Variants in CHAF1A observed in about 807,000 individuals in gnomAD.
CHAF1A encodes chromatin assembly factor 1 subunit A.
In CHAF1A, 5 loss-of-function variants were observed where a neutral mutation model predicts 93.2. The observed-to-expected ratio is 0.05, with a 90% CI of 0.03 to 0.11. The LOEUF (loss-of-function observed/expected upper bound fraction) is 0.11, where lower values mean the gene tolerates loss of function less well. Ranked by LOEUF, CHAF1A falls within the 10% of genes least tolerant of loss-of-function variation. The pLI is 1.00. For synonymous variants in CHAF1A, 504 were observed against 510.3 expected (o/e 0.99, Z 0.17); for missense variants, 1,102 against 1,259.9 (o/e 0.87, Z 1.90).
intron 9 of CHAF1A, 40 bp downstream of exon 9, chr19:4,429,646 C>T: frequency 1.2e-6 from 2 of 1,614,022 alleles, no homozygotes; most frequent in South Asian, 2.2e-5. Context: ...CGTACCTCCT[C>T]ACTGTGCCCC....
At chr19:4,408,074 A>G (rs1246767718) in intron 2 of CHAF1A, among the ~76,000 whole-genome samples, 1 of 150,492 alleles carries the variant, frequency 6.6e-6, no homozygotes, top group Non-Finnish European at 1.5e-5. Context: ...TTGCACCACC[A>G]CAGCTCACTG....
chr19:4,437,539 CAG>C (rs1974307729), intron 13 of CHAF1A, among the ~76,000 whole-genome samples: 1 of 152,008 alleles, frequency 6.6e-6, no homozygotes, highest in Non-Finnish European at 1.5e-5. Flanking sequence ...TCTGTAGAGA[CAG>C]GGTCTATGTT....
chr19:4,403,062 A>T (rs919539023), intron 1 of CHAF1A, among the ~76,000 whole-genome samples: 44 of 152,140 alleles, frequency 2.9e-4, no homozygotes, highest in African/African-American at 1.1e-3. Context: ...TCGTCCCTCC[A>T]GGACTCTCTG....
intron 3 of CHAF1A, among the ~76,000 whole-genome samples, chr19:4,410,815 C>T (rs531361718): frequency 1.6e-4 from 25 of 152,280 alleles, no homozygotes; most frequent in African/African-American, 4.6e-4. Flanking sequence ...CACACTGCCG[C>T]GCTCCAGCCT....
At chr19:4,421,877 C>CACTT (rs35469972) in intron 4 of CHAF1A, among the ~76,000 whole-genome samples, 49,880 of 151,688 alleles carry the variant, frequency 0.33, 8,631 homozygotes, top group East Asian at 0.6. Context: ...AACTGAGTCT[C>CACTT]AGTTGCCCAG....
rs372020675 is a variant in CHAF1A, at chr19:4,432,151, C to T, written c.2147C>T (p.Pro716Leu). ...GCAGCCTGCTTCCTGGAGACCCTGC[C>T]GGCCCAGGAGGAGCAGACGCCCAAG... is the stretch of plus-strand genomic sequence containing the variant. The part of the protein sequence containing the change: ...QFAACFLETL[P>L]AQEEQTPKAS... Residue 716 changes from proline (P) to leucine (L), a missense_variant, in exon 12 of 15, where the codon CCG (proline) becomes CTG (leucine). By Grantham distance (98) the Pro-to-Leu change is moderately conservative. Around this residue, in one of 6 missense-constraint regions of CHAF1A, gnomAD observed 335 missense variants for 361.9 expected, o/e 0.93. Coordinates refer to ENST00000301280, the MANE Select transcript of CHAF1A (RefSeq NM_005483.3). 66 of 1,612,650 alleles carry T rather than the reference C, an allele frequency of 4.1e-5. No individual in the cohort carries two copies. The highest frequency in any genetic ancestry group is 4.8e-5 in the Non-Finnish European group (57 of 1,179,718).
chr19:4,440,980 C>T (rs1290985467), intron 13 of CHAF1A, among the ~76,000 whole-genome samples: 1 of 144,462 alleles, frequency 6.9e-6, no homozygotes, highest in Non-Finnish European at 1.5e-5. Flanking sequence ...ATTAGCTGGG[C>T]GTAGTGGCGG....
intron 7 of CHAF1A, among the ~76,000 whole-genome samples, chr19:4,427,136 CTTTTTTTTTTTTT>C (rs747750687): frequency 1.4e-3 from 44 of 31,950 alleles, no homozygotes; most frequent in African/African-American, 3.8e-3. Context: ...AAGACCCTGT[CTTTTTTTTTTTTT>C]TTTTTTTTTT....
chr19:4,447,191 G>A (rs1265778931), downstream of CHAF1A: 11 of 583,756 alleles, frequency 1.9e-5, no homozygotes, highest in African/African-American at 5.6e-5. Flanking sequence ...GGCCTGATGC[G>A]AGGCTAACAC....
At chr19:4,438,396 CTG>C (rs1974326217) in intron 13 of CHAF1A, among the ~76,000 whole-genome samples, 3 of 151,924 alleles carry the variant, frequency 2.0e-5, no homozygotes, top group Non-Finnish European at 2.9e-5. Flanking sequence ...TTGGGTCCTG[CTG>C]TGTTGCCCAG....
chr19:4,443,841 G>A (rs541059821), downstream of CHAF1A, among the ~76,000 whole-genome samples: 6 of 152,276 alleles, frequency 3.9e-5, no homozygotes, highest in South Asian at 2.1e-4. Flanking sequence ...GGCGACAGCC[G>A]CTGTGGTACT....
chr19:4,437,771 G>C (rs544578166), intron 13 of CHAF1A, among the ~76,000 whole-genome samples: 1 of 151,010 alleles, frequency 6.6e-6, no homozygotes, highest in Non-Finnish European at 1.5e-5. Context: ...ACGGAGTCTC[G>C]CTCTGTCGCC....
rs914192851 is a variant in CHAF1A at position 4,422,214 on chromosome 19, A to G, written c.1018-352A>G. Among the ~76,000 whole-genome samples the G allele has an allele frequency of 2.6e-5, 4 of 151,894 alleles. No individual in the cohort carries two copies. Among genetic ancestry groups the G allele is most frequent in the Admixed American group, 1.3e-4 (2 of 15,250 alleles). ...TTTTTAGTAGAGATGGGGTTTCACCATCTTGGCCAGGCTGGTCTCGAACTC... is the reference window on the plus strand; with the variant it reads ...TTTTTAGTAGAGATGGGGTTTCACCGTCTTGGCCAGGCTGGTCTCGAACTC... On this transcript the variant is annotated intron_variant, in intron 4 of 14. Transcript: ENST00000301280. The surrounding 1 kb of genome is among the most constrained non-coding windows in gnomAD (Gnocchi z 4.6).
chr19:4,409,286 G>C lies in CHAF1A; in HGVS notation c.487G>C (p.Ala163Pro). 1 of 1,614,100 alleles carries C rather than the reference G, an allele frequency of 6.2e-7. No individual in the cohort carries two copies. The highest frequency in any genetic ancestry group is 8.5e-7 in the Non-Finnish European group (1 of 1,180,016). Residue 163 changes from alanine to proline, a missense_variant, in exon 3 of 15, where the codon GCC becomes CCC. Physicochemically the swap from Ala to Pro is conservative, Grantham distance 27. Around this residue, in one of 6 missense-constraint regions of CHAF1A, gnomAD observed 379 missense variants for 365.7 expected, o/e 1.04. Coordinates refer to ENST00000301280, the MANE Select transcript of CHAF1A (RefSeq NM_005483.3). The stretch of plus-strand genomic sequence containing the variant: ...TGGGGATCAGCAGGGGTTGTTGAAG[G>C]CCATTCAGAACGACAAGTTGGCATT... ...DTGDQQGLLK[A>P]IQNDKLAFPG...
chr19:4,444,903 T>C (rs975477675), downstream of CHAF1A: 2 of 153,418 alleles, frequency 1.3e-5, no homozygotes, highest in African/African-American at 4.8e-5. Context: ...GGTATCCACA[T>C]GGTCCCACCT....
chr19:4,416,291 G>A (rs1296965209), intron 3 of CHAF1A, among the ~76,000 whole-genome samples: 1 of 152,190 alleles, frequency 6.6e-6, no homozygotes, highest in African/African-American at 2.4e-5. Flanking sequence ...CAATGAACCC[G>A]GAGAACTATT....
chr19:4,431,695 G>A (rs1012160177), intron 11 of CHAF1A, among the ~76,000 whole-genome samples: 1 of 152,122 alleles, frequency 6.6e-6, no homozygotes, highest in South Asian at 2.1e-4. Flanking sequence ...AATTCAGAGG[G>A]GTGTTAAAAG....
Position 4,409,583 on chromosome 19 carries a change from G to A in CHAF1A, c.784G>A (p.Gly262Ser), listed in dbSNP as rs1568430208. 10 of 1,614,128 alleles carry A rather than the reference G, an allele frequency of 6.2e-6. No homozygotes were observed. Among genetic ancestry groups the A allele is most frequent in the Non-Finnish European group, 8.5e-6 (10 of 1,180,016 alleles). The change falls in exon 3 of 15, where the codon GGC (glycine) becomes AGC (serine). Residue 262 changes from glycine (G) to serine (S), a missense_variant. Physicochemically the swap from Gly to Ser is moderately conservative, Grantham distance 56. This residue lies in a region of CHAF1A where 379 missense variants were observed against 365.7 expected (regional missense o/e 1.04). Coordinates refer to ENST00000301280, the MANE Select transcript of CHAF1A (RefSeq NM_005483.3). ...CAAGTCCCTTCCAGCCACACCCCAA[G>A]GCAAGAACATGACCCCTGAGAGTGA... Reference protein sequence around the residue: ...QIKSLPATPQGKNMTPESEVL... With the variant: ...QIKSLPATPQSKNMTPESEVL...
intron 13 of CHAF1A, among the ~76,000 whole-genome samples, chr19:4,441,517 A>G (rs894781633): frequency 6.6e-6 from 1 of 151,930 alleles, no homozygotes; most frequent in African/African-American, 2.4e-5. Flanking sequence ...CTGAAGAACG[A>G]GAATCGCTTG....
Sources: allele counts gnomAD v4.1 joint callset (sites outside exome capture counted in the v4.1 genomes callset), GRCh38; gene constraint gnomAD v4.1.1; regional missense constraint gnomAD v4.1.1; non-coding constraint Gnocchi (gnomAD v3.1); transcripts MANE v1.5; gene names NCBI Gene and HGNC (gene_info 2026-07-23, HGNC 2026-07-21).